The following PRKG2 variants were observed in gnomAD, a reference collection of about 807,000 sequenced individuals.
PRKG2 encodes cGMP-dependent protein kinase 2.
PRKG2 carries 33 observed loss-of-function variants against 97.2 expected under a neutral mutation model. The observed-to-expected ratio is 0.34, with a 90% CI of 0.26 to 0.45. PRKG2 has a LOEUF of 0.45. Among genes scored for constraint, PRKG2 ranks in the 20% least tolerant of loss-of-function variants. The pLI is 1.00. For missense variants in PRKG2, 638 were observed against 900.0 expected (o/e 0.71, Z 3.73); for synonymous variants, 330 against 321.8 (o/e 1.03, Z -0.27).
chr4:81,159,111 G>A (rs1264526463), intron 6 of PRKG2, among the ~76,000 whole-genome samples: 7 of 152,212 alleles, frequency 4.6e-5, no homozygotes, highest in Non-Finnish European at 7.4e-5. Context: ...TTGACAAATG[G>A]GATCTAATTC....
rs1429627993 is a variant in PRKG2 at position 81,135,316 on chromosome 4, C to A, written c.1635-20G>T. ...CTGCCTCTGCAACGAAATCATTTTC[C>A]CTCTTAATACTTTGGATACACATCT... On this transcript the variant is annotated intron_variant, in intron 13 of 18. Transcript: ENST00000264399. 6.2e-7 allele frequency: 1 copy of A among 1,608,046 alleles called. No individual in the cohort carries two copies. The highest frequency in any genetic ancestry group is 1.3e-5 in the African/African-American group (1 of 74,726).
rs147105300 is a variant in PRKG2, at chr4:81,178,697, A to G, written c.462-3738T>C. ...GAATCTAGGATGCAAAACAAAGCAA[A>G]ACAAAAAACTAAAAATCAAAACATA... On this transcript the variant is annotated intron_variant, in intron 2 of 18. Transcript: ENST00000264399. Among the ~76,000 whole-genome samples the G allele has an allele frequency of 3.7e-3, 562 of 151,896 alleles. 4 individuals are homozygous for G. Among genetic ancestry groups the G allele is most frequent in the African/African-American group, 0.013 (530 of 41,376 alleles).
upstream of PRKG2, chr4:81,215,267 A>C (rs1327898405): frequency 1.3e-5 from 2 of 152,246 alleles, no homozygotes; most frequent in South Asian, 2.1e-4. Flanking sequence ...GGGAAGGAGG[A>C]GGGAGGGGGT....
intron 9 of PRKG2, among the ~76,000 whole-genome samples, chr4:81,145,304 C>T (rs1646221124): frequency 6.6e-6 from 1 of 152,150 alleles, no homozygotes; most frequent in African/African-American, 2.4e-5. Context: ...AACAGCCTTA[C>T]ATGATGTGTT....
intron 14 of PRKG2, among the ~76,000 whole-genome samples, chr4:81,117,712 C>A (rs921306109): frequency 1.3e-5 from 2 of 152,146 alleles, no homozygotes; most frequent in African/African-American, 4.8e-5. Flanking sequence ...ATCAGTGAAA[C>A]TGAAAGGAAT....
Position 81,169,685 on chromosome 4 carries a change from G to T in PRKG2, c.826C>A (p.Gln276Lys). The T allele has an allele frequency of 1.2e-6, 2 of 1,605,450 alleles. No homozygotes were observed. Among genetic ancestry groups the T allele is most frequent in the Non-Finnish European group, 1.7e-6 (2 of 1,174,178 alleles). Residue 276 changes from glutamine to lysine, a missense_variant, in exon 5 of 19, where the codon CAA becomes AAA. Physicochemically the swap from Gln to Lys is moderately conservative, Grantham distance 53. Coordinates refer to ENST00000264399, the MANE Select transcript of PRKG2 (RefSeq NM_006259.3). ...MRRTAQARDE[Q>K]YRNFLRSVSL... ...TACCTTCTGAGGAAGTTTCTGTATT[G>T]TTCATCTCTAGCTTGGGCTGTCCTC...
In PRKG2 at chr4:81,098,746, G is replaced by A. The variant is rs777720202; in HGVS notation, c.2126+5624C>T. Among the ~76,000 whole-genome samples the A allele has an allele frequency of 3.3e-5, 5 of 151,992 alleles. No individual in the cohort carries two copies. The East Asian group carries it at 5.8e-4, about 18-fold the overall frequency. Reference sequence around the variant, plus strand: ...GAAGTTTGGCATCTTATATGGCTGCGGTTTGTGGTGCCATCAAAATTACAA... The same window carrying A: ...GAAGTTTGGCATCTTATATGGCTGCAGTTTGTGGTGCCATCAAAATTACAA... On this transcript the variant is annotated intron_variant, in intron 17 of 18. Transcript: ENST00000264399.
rs147027279 is a variant in PRKG2, at chr4:81,142,844, G to A, written c.1357C>T (p.Leu453Phe). 18 of 1,612,392 alleles carry A rather than the reference G, an allele frequency of 1.1e-5. No individual in the cohort carries two copies. Among genetic ancestry groups the A allele is most frequent in the Non-Finnish European group, 8.5e-7 (1 of 1,178,986 alleles). Residue 453 changes from leucine (L) to phenylalanine (F), a missense_variant, in exon 11 of 19, where the codon CTT becomes TTT. Physicochemically the swap from Leu to Phe is conservative, Grantham distance 22. Transcript: ENST00000264399. ...RFSSSSPFQN[L>F]EIIATLGVGG... ...ACGCCCAGTGTTGCAATAATCTCAA[G>A]GTTCTGGAATGGGGATGATGAGGAA...
chr4:81,216,992 T>C (rs1754295156), upstream of PRKG2, among the ~76,000 whole-genome samples: 1 of 147,324 alleles, frequency 6.8e-6, no homozygotes, highest in Non-Finnish European at 1.5e-5. Context: ...ACACAGTGTA[T>C]GTGTGTGTAT....
At position 81,087,788 on chromosome 4, in the gene PRKG2, A is replaced by G. The variant is rs1741235311; in HGVS notation, c.*1920T>C. The G allele has an allele frequency of 6.6e-6, 1 of 152,180 alleles. No homozygotes were observed. Among genetic ancestry groups the G allele is most frequent in the African/African-American group, 2.4e-5 (1 of 41,462 alleles). 9.4% of individuals were successfully genotyped at this position (152,180 alleles called of 1,614,324 possible). On this transcript the variant is annotated 3_prime_UTR_variant, in exon 19 of 19. Transcript: ENST00000264399. ...AAGTACTCTAAGGAAACAATAAAAA[A>G]TCACATGGGAGGATAACACATTGAC...
chr4:81,154,309 TG>T (rs1024069638), intron 6 of PRKG2: 11 of 153,070 alleles, frequency 7.2e-5, no homozygotes, highest in African/African-American at 2.7e-4. Context: ...GCTCCACCTC[TG>T]GGGGCAGGGC....
chr4:81,207,415 A>C (rs924882909), intron 1 of PRKG2, among the ~76,000 whole-genome samples: 4 of 152,210 alleles, frequency 2.6e-5, no homozygotes, highest in Non-Finnish European at 5.9e-5. Flanking sequence ...ACTAACAACT[A>C]ACTCATTTTT....
intron 1 of PRKG2, among the ~76,000 whole-genome samples, chr4:81,212,903 T>A (rs930093859): frequency 6.6e-6 from 1 of 152,172 alleles, no homozygotes; most frequent in Non-Finnish European, 1.5e-5. Flanking sequence ...CACTGCAGGA[T>A]AGCATCTCTA....
intron 8 of PRKG2, among the ~76,000 whole-genome samples, chr4:81,150,132 G>C (rs180777546): frequency 6.6e-6 from 1 of 152,244 alleles, no homozygotes; most frequent in East Asian, 1.9e-4. Context: ...TCTAGAAATA[G>C]ACATAAGCAT....
At chr4:81,136,741 C>G (rs1746744739) in intron 13 of PRKG2, among the ~76,000 whole-genome samples, 1 of 152,168 alleles carries the variant, frequency 6.6e-6, no homozygotes, top group Non-Finnish European at 1.5e-5. Flanking sequence ...CTACAAATTT[C>G]CAACTTCTTT....
At chr4:81,150,824 T>C (rs994280856) in intron 8 of PRKG2, among the ~76,000 whole-genome samples, 1 of 152,132 alleles carries the variant, frequency 6.6e-6, no homozygotes, top group Non-Finnish European at 1.5e-5. Flanking sequence ...ATTATTATAT[T>C]GCATGAATGT....
At chr4:81,188,037 T>C (rs1752047648) in intron 2 of PRKG2, among the ~76,000 whole-genome samples, 1 of 152,164 alleles carries the variant, frequency 6.6e-6, no homozygotes. Flanking sequence ...CTCATTAAAC[T>C]AAAGAGCTTC....
At chr4:81,131,886 T>C (rs753078757) in intron 14 of PRKG2, among the ~76,000 whole-genome samples, 1 of 152,178 alleles carries the variant, frequency 6.6e-6, no homozygotes, top group Non-Finnish European at 1.5e-5. Flanking sequence ...TTCTTTAATT[T>C]TGTTCTTTTT....
intron 14 of PRKG2, among the ~76,000 whole-genome samples, chr4:81,121,173 T>A (rs1460688743): frequency 6.6e-6 from 1 of 152,186 alleles, no homozygotes; most frequent in Admixed American, 6.5e-5. Flanking sequence ...ATCCTTTGTA[T>A]ACATTGTTGG....
Sources: gnomAD v4.1 joint callset for allele counts (sites outside exome capture counted in the v4.1 genomes callset) on GRCh38, gnomAD v4.1.1 for gene constraint, MANE v1.5 for transcripts, NCBI Gene and HGNC (gene_info 2026-07-23, HGNC 2026-07-21) for gene names.